IGFL2: variants seen among roughly 807,000 people sequenced by gnomAD.
The protein encoded by IGFL2 is insulin growth factor-like family member 2.
IGFL2 carries 7 observed loss-of-function variants against 13.9 expected under a neutral mutation model. The ratio of observed to expected loss-of-function variants is 0.51; its 90% CI spans 0.29 to 0.95. The LOEUF (loss-of-function observed/expected upper bound fraction) is 0.95, where lower values mean the gene tolerates loss of function less well. Ranked by LOEUF, IGFL2 falls within the 40% of genes least tolerant of loss-of-function variation. The pLI is 0.08. For missense variants in IGFL2, 138 were observed against 147.8 expected (o/e 0.93, Z 0.34); for synonymous variants, 55 against 55.8 (o/e 0.99, Z 0.07).
chr19:46,080,898 T>A, the IGFL2 span, among the ~76,000 whole-genome samples: 10 of 152,254 alleles, frequency 6.6e-5, no homozygotes, highest in Non-Finnish European at 1.5e-4. Flanking sequence ...CAGGACTGTG[T>A]CCATCACTTC....
chr19:46,096,635 A>T, the IGFL2 span, among the ~76,000 whole-genome samples: 1 of 152,186 alleles, frequency 6.6e-6, no homozygotes, highest in Admixed American at 6.5e-5. Context: ...TTGCCAATTC[A>T]GTATGATATT....
the IGFL2 span, chr19:46,120,332 A>T: frequency 6.2e-7 from 1 of 1,611,006 alleles, no homozygotes; most frequent in Non-Finnish European, 8.5e-7. Flanking sequence ...TGGGGTTTTT[A>T]TGGGTACAGG....
chr19:46,111,503 C>G, the IGFL2 span: 4 of 152,280 alleles, frequency 2.6e-5, no homozygotes, highest in African/African-American at 9.6e-5. Flanking sequence ...AAGAGTTAAG[C>G]AATAAGCCAC....
the IGFL2 span, chr19:46,119,998 C>T: frequency 8.4e-6 from 3 of 356,782 alleles, no homozygotes; most frequent in Admixed American, 4.2e-5. Context: ...TTGAACAGCT[C>T]GGTGTGACAG....
the IGFL2 span, among the ~76,000 whole-genome samples, chr19:46,096,050 T>C: frequency 2.9e-4 from 44 of 152,222 alleles, no homozygotes; most frequent in Non-Finnish European, 4.7e-4. Context: ...TTTCTAATTC[T>C]GTGAAGAATG....
chr19:46,210,781 C>A, the IGFL2 span, among the ~76,000 whole-genome samples: 1 of 152,224 alleles, frequency 6.6e-6, no homozygotes, highest in African/African-American at 2.4e-5. Flanking sequence ...TTTGGCAACA[C>A]CCCTACAGAC....
the IGFL2 span, among the ~76,000 whole-genome samples, chr19:46,103,625 A>G: frequency 6.6e-6 from 1 of 152,164 alleles, no homozygotes; most frequent in South Asian, 2.1e-4. Context: ...CAGGGGCACG[A>G]CACTTATGAG....
At chr19:46,090,042 T>A in the IGFL2 span, among the ~76,000 whole-genome samples, 2 of 152,092 alleles carry the variant, frequency 1.3e-5, no homozygotes, top group Non-Finnish European at 1.5e-5. Context: ...CTTTTTATTA[T>A]TTTTTTCTTT....
chr19:46,192,575 A>G, the IGFL2 span, among the ~76,000 whole-genome samples: 1 of 151,904 alleles, frequency 6.6e-6, no homozygotes, highest in Non-Finnish European at 1.5e-5. Flanking sequence ...GCCCACCACC[A>G]TGCCGGGCTA....
At chr19:46,151,732 G>A (rs1973505334) in intron 1 of IGFL2, among the ~76,000 whole-genome samples, 1 of 152,138 alleles carries the variant, frequency 6.6e-6, no homozygotes, top group Admixed American at 6.6e-5. Context: ...GCCATATGGT[G>A]AGACCACATC....
At chr19:46,109,416 G>A in the IGFL2 span, among the ~76,000 whole-genome samples, 1 of 151,732 alleles carries the variant, frequency 6.6e-6, no homozygotes, top group Non-Finnish European at 1.5e-5. Flanking sequence ...CCAGGTTGAC[G>A]CCATTCTTCT....
At chr19:46,146,875 T>C (rs1479184237), upstream of IGFL2, among the ~76,000 whole-genome samples, 2 of 152,178 alleles carry the variant, frequency 1.3e-5, no homozygotes, top group African/African-American at 4.8e-5. Context: ...TCTCCTGATC[T>C]CTGTCTCACC....
chr19:46,099,622 G>T, the IGFL2 span, among the ~76,000 whole-genome samples: 1 of 151,038 alleles, frequency 6.6e-6, no homozygotes, highest in Non-Finnish European at 1.5e-5. Flanking sequence ...TCTGCCCCCC[G>T]AGTTCAAGTG....
chr19:46,148,518 C>T (rs534351507), intron 1 of IGFL2, among the ~76,000 whole-genome samples: 1 of 152,280 alleles, frequency 6.6e-6, no homozygotes, highest in South Asian at 2.1e-4. Context: ...ACCTGCCAAG[C>T]CCAATGCCCA....
chr19:46,185,375 G>A, the IGFL2 span, among the ~76,000 whole-genome samples: 2 of 152,202 alleles, frequency 1.3e-5, no homozygotes, highest in Non-Finnish European at 2.9e-5. Context: ...GGGCCACTGT[G>A]GGTGCTCAGA....
At chr19:46,124,429 A>G in the IGFL2 span, 2 of 1,297,448 alleles carry the variant, frequency 1.5e-6, no homozygotes, top group Non-Finnish European at 2.2e-6. Context: ...GGTGGAGATT[A>G]TCACTTGGGG....
chr19:46,179,770 G>A, the IGFL2 span, among the ~76,000 whole-genome samples: 1 of 152,062 alleles, frequency 6.6e-6, no homozygotes, highest in African/African-American at 2.4e-5. Flanking sequence ...ACAAAAATTA[G>A]CCGGGAGTGT....
At chr19:46,150,272 C>T (rs1159247035) in intron 1 of IGFL2, among the ~76,000 whole-genome samples, 2 of 152,116 alleles carry the variant, frequency 1.3e-5, no homozygotes, top group Non-Finnish European at 2.9e-5. Flanking sequence ...ATGCTGGATA[C>T]TCATCCCTTA....
At chr19:46,151,883 G>A (rs191853879) in intron 1 of IGFL2, among the ~76,000 whole-genome samples, 510 of 152,316 alleles carry the variant, frequency 3.3e-3, no homozygotes, top group Non-Finnish European at 4.2e-3. Context: ...CTGCACTCCA[G>A]CCTGGGTGAC....
Sources: allele counts gnomAD v4.1 joint callset (sites outside exome capture counted in the v4.1 genomes callset), GRCh38; gene constraint gnomAD v4.1.1; transcripts MANE v1.5; gene names NCBI Gene and HGNC (gene_info 2026-07-23, HGNC 2026-07-21).